Variants in FHOD3 observed in about 807,000 individuals in gnomAD.
FHOD3 encodes the protein FH1/FH2 domain-containing protein 3.
In FHOD3, 90 loss-of-function variants were observed where a neutral mutation model predicts 173.0. The ratio of observed to expected loss-of-function variants is 0.52; its 90% CI spans 0.44 to 0.62. The LOEUF (loss-of-function observed/expected upper bound fraction) is 0.62. Ranked by LOEUF, FHOD3 falls within the 20% of genes least tolerant of loss-of-function variation. The pLI, the probability that FHOD3 is intolerant of heterozygous loss-of-function variation, is 0.00. For synonymous variants in FHOD3, 828 were observed against 823.0 expected, an observed-to-expected ratio of 1.01 and a Z score of -0.10; for missense variants, 1,945 against 2,034.7, an observed-to-expected ratio of 0.96 and a Z score of 0.85.
chr18:36,506,105 A>G (rs1249303848), intron 4 of FHOD3, among the ~76,000 whole-genome samples: 1 of 152,180 alleles, frequency 6.6e-6, no homozygotes, highest in Non-Finnish European at 1.5e-5. Context: ...TGTTCTGCTG[A>G]TCTTCCAGCT....
At chr18:36,619,194 C>G (rs768081356) in intron 9 of FHOD3, among the ~76,000 whole-genome samples, 14 of 152,100 alleles carry the variant, frequency 9.2e-5, no homozygotes, top group Admixed American at 1.3e-4. Context: ...CTGTACCTGC[C>G]CCCAAAGAAC....
intron 5 of FHOD3, among the ~76,000 whole-genome samples, chr18:36,549,500 G>A (rs544741270): frequency 2.4e-4 from 35 of 145,244 alleles, no homozygotes; most frequent in Non-Finnish European, 4.7e-4. Context: ...TTTCTTTTAT[G>A]GACCATACAT....
intron 23 of FHOD3, among the ~76,000 whole-genome samples, chr18:36,745,016 G>A (rs980185210): frequency 2.0e-5 from 3 of 152,220 alleles, no homozygotes; most frequent in Non-Finnish European, 4.4e-5. Flanking sequence ...AGAGCTGGAA[G>A]TACTGGGGTG....
At position 36,707,754 on chromosome 18, in the gene FHOD3, C is replaced by T. The variant is rs1481636886; in HGVS notation, c.2237-1341C>T. On this transcript the variant is annotated intron_variant, in intron 17 of 28. Coordinates refer to ENST00000590592, the MANE Select transcript of FHOD3 (RefSeq NM_001281740.3). The stretch of plus-strand genomic sequence containing the variant: ...GCCCATTACCTGGTGCCGCAGGATG[C>T]CTCCACAGAGAGCTGCCCTGATCTG... Among the ~76,000 whole-genome samples, 6 of 152,154 alleles carry T rather than the reference C, an allele frequency of 3.9e-5. No homozygotes were observed. The South Asian group carries it at 8.3e-4, about 21-fold the overall frequency.
chr18:36,705,586 A>G (rs1182754066), intron 17 of FHOD3, among the ~76,000 whole-genome samples: 1 of 152,122 alleles, frequency 6.6e-6, no homozygotes. Flanking sequence ...TGCCACACGG[A>G]TATCACGGCA....
At chr18:36,452,309 CCTGTCTGGCT>C (rs1568289960) in intron 3 of FHOD3, among the ~76,000 whole-genome samples, 1 of 152,032 alleles carries the variant, frequency 6.6e-6, no homozygotes, top group Admixed American at 6.6e-5. Context: ...ACAAAGCAGG[CCTGTCTGGCT>C]TGGAATTATT....
At chr18:36,768,279 A>T (rs1446877180) in intron 27 of FHOD3, among the ~76,000 whole-genome samples, 2 of 152,252 alleles carry the variant, frequency 1.3e-5, no homozygotes, top group African/African-American at 4.8e-5. Context: ...GTAGTTCTGG[A>T]TATATTACAT....
intron 1 of FHOD3, among the ~76,000 whole-genome samples, chr18:36,327,642 A>T (rs1305704411): frequency 1.4e-5 from 2 of 147,322 alleles, no homozygotes; most frequent in Admixed American, 6.6e-5. Flanking sequence ...CACTGCCATC[A>T]TCTCTCTCTC....
At chr18:36,644,583 C>T (rs1329113103) in intron 10 of FHOD3, among the ~76,000 whole-genome samples, 1 of 152,200 alleles carries the variant, frequency 6.6e-6, no homozygotes, top group Non-Finnish European at 1.5e-5. Context: ...AGCTACAACA[C>T]ATACATCATA....
intron 5 of FHOD3, among the ~76,000 whole-genome samples, chr18:36,530,090 A>G (rs537133561): frequency 6.6e-6 from 1 of 152,304 alleles, no homozygotes; most frequent in African/African-American, 2.4e-5. Context: ...GTGGAAGACT[A>G]TGTATACTCT....
At chr18:36,721,828 A>C (rs1403423933) in intron 19 of FHOD3, among the ~76,000 whole-genome samples, 2 of 152,214 alleles carry the variant, frequency 1.3e-5, no homozygotes, top group Non-Finnish European at 2.9e-5. Flanking sequence ...AATTAAGTAC[A>C]ATAAATAAAA....
At chr18:36,372,797 T>C (rs891563925) in intron 3 of FHOD3, 53 bp downstream of exon 3, 13 of 1,480,914 alleles carry the variant, frequency 8.8e-6, no homozygotes, top group African/African-American at 2.8e-5. Flanking sequence ...ACGCGACTTA[T>C]GGGAATAAAA....
intron 4 of FHOD3, among the ~76,000 whole-genome samples, chr18:36,503,339 A>G (rs1217320122): frequency 6.6e-6 from 1 of 152,204 alleles, no homozygotes; most frequent in African/African-American, 2.4e-5. Context: ...TTCCCATCTC[A>G]TCTACATCCT....
At chr18:36,473,457 A>ACCT (rs2053392747) in intron 3 of FHOD3, among the ~76,000 whole-genome samples, 1 of 152,188 alleles carries the variant, frequency 6.6e-6, no homozygotes. Context: ...GCTGAATCAG[A>ACCT]ACCTACATTT....
chr18:36,620,372 A>G (rs2033607021), intron 9 of FHOD3, among the ~76,000 whole-genome samples: 1 of 152,038 alleles, frequency 6.6e-6, no homozygotes, highest in African/African-American at 2.4e-5. Flanking sequence ...TGCTGCAGTC[A>G]CTTCAGATGT....
rs188763767 is a variant in FHOD3, at chr18:36,346,742, T to C, written c.166-8797T>C. Among the ~76,000 whole-genome samples the C allele has an allele frequency of 5.9e-5, 9 of 152,320 alleles. No homozygotes were observed. The East Asian group carries it at 1.7e-3, about 29-fold the overall frequency. The stretch of plus-strand genomic sequence containing the variant: ...CTCTTCCATCCCCACACTGCAAAGC[T>C]GGTCCTGCACACATCTGCTCACAGC... On this transcript the variant is annotated intron_variant, in intron 1 of 28. Transcript: ENST00000590592.
rs997338897 is a variant in FHOD3 at position 36,605,028 on chromosome 18, C to A, written c.813+2260C>A. Among the ~76,000 whole-genome samples the A allele has an allele frequency of 7.2e-5, 11 of 152,292 alleles. No homozygotes were observed. The South Asian group carries it at 8.3e-4, about 11-fold the overall frequency. On this transcript the variant is annotated intron_variant, in intron 8 of 28. Coordinates refer to ENST00000590592, the MANE Select transcript of FHOD3 (RefSeq NM_001281740.3). ...GAAGTATCATTTCTTGATGAACACC[C>A]AGGAAACTCCTATAACCCTGGTGGG...
chr18:36,361,486 T>G (rs1487693942), intron 2 of FHOD3, among the ~76,000 whole-genome samples: 1 of 151,926 alleles, frequency 6.6e-6, no homozygotes, highest in Non-Finnish European at 1.5e-5. Flanking sequence ...AGGAGTTCGC[T>G]ACCAGCCTGG....
intron 3 of FHOD3, among the ~76,000 whole-genome samples, chr18:36,461,603 C>T (rs1161185357): frequency 5.9e-5 from 9 of 152,132 alleles, no homozygotes; most frequent in Non-Finnish European, 1.0e-4. Context: ...AAAGATTACC[C>T]GCTTCTGCTT....
Sources: allele counts gnomAD v4.1 joint callset (sites outside exome capture counted in the v4.1 genomes callset), GRCh38; gene constraint gnomAD v4.1.1; transcripts MANE v1.5; gene names NCBI Gene and HGNC (gene_info 2026-07-23, HGNC 2026-07-21).